Variants in EFHD1 observed in about 807,000 individuals in gnomAD.
EFHD1 encodes EF-hand domain-containing protein D1.
A neutral mutation model predicts 17.2 loss-of-function variants in EFHD1; 10 were observed. That is an observed-to-expected ratio of 0.58 (90% confidence interval 0.36 to 0.99). The LOEUF is 0.99. Among genes scored for constraint, EFHD1 ranks in the 50% least tolerant of loss-of-function variants. The pLI is 0.01. For missense variants in EFHD1, 310 were observed against 327.5 expected, an observed-to-expected ratio of 0.95 and a Z score of 0.41; for synonymous variants, 153 against 142.0, an observed-to-expected ratio of 1.08 and a Z score of -0.55.
At position 232,633,924 on chromosome 2, in the gene EFHD1, C is replaced by G. The variant is rs1258420345; in HGVS notation, c.220C>G (p.Arg74Gly). 4 of 1,590,168 alleles carry G rather than the reference C, an allele frequency of 2.5e-6. No individual in the cohort carries two copies. Among genetic ancestry groups the G allele is most frequent in the Non-Finnish European group, 3.4e-6 (4 of 1,176,412 alleles). ...CAACGAGGGCGCTGCGCGGCCCCGG[C>G]GCTGCAGGGTCTTCAACCCCTACAC... is the stretch of plus-strand genomic sequence containing the variant. ...DINEGAARPR[R>G]CRVFNPYTEF... The change falls in exon 1 of 4, where the codon CGC becomes GGC. Residue 74 changes from arginine to glycine, a missense_variant. Transcript: ENST00000264059.
chr2:232,655,630 T>C (rs940280523), intron 1 of EFHD1, among the ~76,000 whole-genome samples: 1 of 152,220 alleles, frequency 6.6e-6, no homozygotes, highest in African/African-American at 2.4e-5. Flanking sequence ...CTAGTTCCAG[T>C]TGGCCGTTTT....
At chr2:232,619,923 A>G (rs1463662315) in intron 1 of EFHD1, among the ~76,000 whole-genome samples, 1 of 152,192 alleles carries the variant, frequency 6.6e-6, no homozygotes, top group East Asian at 1.9e-4. Flanking sequence ...TAAAAAATAT[A>G]TATTAAAAAA....
chr2:232,677,871 T>A (rs1695207153), intron 3 of EFHD1, among the ~76,000 whole-genome samples: 1 of 152,224 alleles, frequency 6.6e-6, no homozygotes, highest in Non-Finnish European at 1.5e-5. Context: ...TCATATTCAT[T>A]CTCTGAAGCT....
At chr2:232,647,653 T>TTTTTTTTTTA (rs1553599475) in intron 1 of EFHD1, among the ~76,000 whole-genome samples, 3 of 151,568 alleles carry the variant, frequency 2.0e-5, no homozygotes, top group African/African-American at 2.4e-5. Context: ...CTTTTTTTTT[T>TTTTTTTTTTA]GAGACGGAGT....
intron 1 of EFHD1, among the ~76,000 whole-genome samples, chr2:232,645,682 C>A (rs1373263292): frequency 6.6e-6 from 1 of 152,194 alleles, no homozygotes; most frequent in Non-Finnish European, 1.5e-5. Context: ...TGCCACCTAA[C>A]AGCCCCACTG....
intron 3 of EFHD1, among the ~76,000 whole-genome samples, chr2:232,675,125 G>A (rs565717029): frequency 1.3e-5 from 2 of 150,080 alleles, no homozygotes; most frequent in African/African-American, 4.9e-5. Flanking sequence ...GCAGTGAGCC[G>A]AGATCGTGTC....
chr2:232,629,741 T>C (rs1305224426), upstream of EFHD1, among the ~76,000 whole-genome samples: 1 of 151,918 alleles, frequency 6.6e-6, no homozygotes, highest in Admixed American at 6.6e-5. Flanking sequence ...AGTGCTGGGA[T>C]TATAGGCATG....
chr2:232,618,365 C>T (rs888623977), intron 1 of EFHD1, among the ~76,000 whole-genome samples: 2 of 152,116 alleles, frequency 1.3e-5, no homozygotes, highest in African/African-American at 4.8e-5. Context: ...AGACATTATT[C>T]CAAAGAAGAT....
Position 232,628,204 on chromosome 2 carries a change from G to A in EFHD1, c.14+22031G>A, listed in dbSNP as rs147735632. Among the ~76,000 whole-genome samples, 789 of 152,242 alleles carry A rather than the reference G, an allele frequency of 5.2e-3. 5 individuals carry two copies. Among genetic ancestry groups the A allele is most frequent in the Non-Finnish European group, 8.6e-3 (583 of 68,032 alleles). On this transcript the variant is annotated intron_variant, in intron 1 of 3. Transcript: ENST00000409613. Reference sequence around the variant, plus strand: ...GCCTCCTGAGTAGCTGGGATTACAGGCACCTGCCACCAAGGCCAGCTAATT... The same window carrying A: ...GCCTCCTGAGTAGCTGGGATTACAGACACCTGCCACCAAGGCCAGCTAATT...
chr2:232,614,752 G>T (rs535801441), intron 1 of EFHD1, among the ~76,000 whole-genome samples: 2 of 152,274 alleles, frequency 1.3e-5, no homozygotes, highest in African/African-American at 4.8e-5. Flanking sequence ...GAGCCAGGTG[G>T]ATTATTTGAG....
chr2:232,650,432 T>C (rs1290820769), intron 1 of EFHD1, among the ~76,000 whole-genome samples: 7 of 150,854 alleles, frequency 4.6e-5, no homozygotes, highest in African/African-American at 9.8e-5. Flanking sequence ...GTAGCTGGGA[T>C]TACAGGCATG....
intron 3 of EFHD1, among the ~76,000 whole-genome samples, chr2:232,679,482 A>G (rs1695235628): frequency 6.6e-6 from 1 of 151,946 alleles, no homozygotes; most frequent in Non-Finnish European, 1.5e-5. Flanking sequence ...TAAGAGGCTG[A>G]GGTGGGAGAA....
intron 1 of EFHD1, among the ~76,000 whole-genome samples, chr2:232,625,513 G>T (rs1694091056): frequency 6.6e-6 from 1 of 152,112 alleles, no homozygotes; most frequent in Non-Finnish European, 1.5e-5. Flanking sequence ...AGCCGCTTAG[G>T]ATGGGAGTCT....
At chr2:232,662,684 C>G (rs529502381) in intron 1 of EFHD1, 118 bp from the exon 2 acceptor site, 1 of 1,389,344 alleles carries the variant, frequency 7.2e-7, no homozygotes, top group Admixed American at 3.2e-5. Flanking sequence ...CCCACATTGG[C>G]CTCGCAGAGC....
rs142233894 is a variant in EFHD1 at position 232,678,513 on chromosome 2, G to A, written c.586-3072G>A. On this transcript the variant is annotated intron_variant, in intron 3 of 3. Coordinates refer to ENST00000264059, the MANE Select transcript of EFHD1 (RefSeq NM_025202.4). Reference sequence around the variant, plus strand: ...CGATAAAAGAATATTGGCCGGGCGCGGTGGCTCATGCCTGTAATCCTAGGA... The same window carrying A: ...CGATAAAAGAATATTGGCCGGGCGCAGTGGCTCATGCCTGTAATCCTAGGA... Among the ~76,000 whole-genome samples, 347 of 152,166 alleles carry A rather than the reference G, an allele frequency of 2.3e-3. 6 individuals are homozygous for A. The highest frequency in any genetic ancestry group is 0.017 in the Admixed American group (266 of 15,284).
At chr2:232,670,895 A>G (rs140967660) in intron 2 of EFHD1, among the ~76,000 whole-genome samples, 1 of 152,348 alleles carries the variant, frequency 6.6e-6, no homozygotes, top group African/African-American at 2.4e-5. Context: ...TAATGCAAAA[A>G]TGAGACACAC....
chr2:232,644,417 T>A (rs1694488457), intron 1 of EFHD1, among the ~76,000 whole-genome samples: 1 of 152,166 alleles, frequency 6.6e-6, no homozygotes, highest in South Asian at 2.1e-4. Context: ...CTTCTGTGGC[T>A]AAGGGCACCT....
At chr2:232,681,046 C>T (rs992451040) in intron 3 of EFHD1, among the ~76,000 whole-genome samples, 8 of 151,898 alleles carry the variant, frequency 5.3e-5, no homozygotes, top group Non-Finnish European at 8.8e-5. Context: ...GTCCCAGCTA[C>T]TCGGGAGGCT....
At chr2:232,637,116 C>T (rs986706215) in intron 1 of EFHD1, among the ~76,000 whole-genome samples, 1 of 152,286 alleles carries the variant, frequency 6.6e-6, no homozygotes, top group African/African-American at 2.4e-5. Context: ...TATATCCTCT[C>T]ATAGTTCTGG....
Sources: gnomAD v4.1 joint callset for allele counts (sites outside exome capture counted in the v4.1 genomes callset) on GRCh38, gnomAD v4.1.1 for gene constraint, MANE v1.5 for transcripts, NCBI Gene and HGNC (gene_info 2026-07-23, HGNC 2026-07-21) for gene names.